MAN1B1: variants seen among roughly 807,000 people sequenced by gnomAD.
MAN1B1 encodes the protein endoplasmic reticulum mannosyl-oligosaccharide 1,2-alpha-mannosidase.
Under a neutral mutation model 75.5 loss-of-function variants are expected in MAN1B1, and 66 were observed. The observed-to-expected ratio is 0.87, with a 90% CI of 0.72 to 1.07. The LOEUF is 1.07. Among genes scored for constraint, MAN1B1 ranks in the 50% least tolerant of loss-of-function variants. MAN1B1 has a pLI of 0.00. For missense variants in MAN1B1, 973 were observed against 912.5 expected (o/e 1.07, Z -0.85); for synonymous variants, 453 against 382.8 (o/e 1.18, Z -2.14).
chr9:137,106,222 C>T lies in MAN1B1; in HGVS notation c.1352C>T (p.Thr451Ile). The T allele has an allele frequency of 6.2e-7, 1 of 1,607,976 alleles. No homozygotes were observed. The highest frequency in any genetic ancestry group is 8.5e-7 in the Non-Finnish European group (1 of 1,177,784). ...MFINTHSGLFTHLGVFTLGAR... is the reference protein window; with the variant it reads ...MFINTHSGLFIHLGVFTLGAR... ...ATCAATACCCACAGTGGCCTCTTCA[C>T]CCACCTGGGCGTATTCACGCTGGGC... is the stretch of plus-strand genomic sequence containing the variant. Residue 451 changes from threonine (T) to isoleucine (I), a missense_variant, in exon 9 of 13, where the codon ACC (threonine) becomes ATC (isoleucine). Thr to Ile is a moderately conservative substitution (Grantham distance 89). Coordinates refer to ENST00000371589, the MANE Select transcript of MAN1B1 (RefSeq NM_016219.5).
chr9:137,099,823 C>T lies in MAN1B1; in HGVS notation c.858C>T (p.Gly286=), dbSNP rs1830758562. The T allele has an allele frequency of 1.9e-6, 3 of 1,614,096 alleles. No individual in the cohort carries two copies. The Admixed American group carries it at 5.0e-5, about 27-fold the overall frequency. The change falls in exon 6 of 13, where the codon GGC becomes GGT. Residue 286 remains glycine, a synonymous_variant. Transcript: ENST00000371589. Reference sequence around the variant, plus strand: ...CCAGGTCCTTCAGTGAGTGGTTTGGCCTCGGTCTCACACTGATCGACGCGC... The same window carrying T: ...CCAGGTCCTTCAGTGAGTGGTTTGGTCTCGGTCTCACACTGATCGACGCGC... ...PVSRSFSEWF[G]LGLTLIDALD...
At position 137,099,857 on chromosome 9, in the gene MAN1B1, A is replaced by G. The variant is rs753769878; in HGVS notation, c.892A>G (p.Met298Val). The G allele has an allele frequency of 4.3e-6, 7 of 1,614,058 alleles. No homozygotes were observed. Among genetic ancestry groups the G allele is most frequent in the Admixed American group, 1.7e-5 (1 of 60,010 alleles). The change falls in exon 6 of 13, where the codon ATG becomes GTG. Residue 298 changes from methionine to valine, a missense_variant. Met to Val is a conservative substitution (Grantham distance 21). Transcript: ENST00000371589. ...GLTLIDALDT[M>V]WILGLRKEFE... ...CACACTGATCGACGCGCTGGACACC[A>G]TGTGGATCTTGGGTCTGAGGAAAGG... is the stretch of plus-strand genomic sequence containing the variant.
intron 3 of MAN1B1, among the ~76,000 whole-genome samples, chr9:137,093,593 G>A: frequency 6.6e-6 from 1 of 152,174 alleles, no homozygotes; most frequent in South Asian, 2.1e-4. Context: ...CACTTTGGGA[G>A]GCTGAAGCGG....
intron 3 of MAN1B1, 29 bp from the exon 4 acceptor site, chr9:137,096,208 G>A (rs1830647190): frequency 6.2e-7 from 1 of 1,613,928 alleles, no homozygotes; most frequent in Non-Finnish European, 8.5e-7. Context: ...GACACCCCGT[G>A]ATTTCCTGTG....
chr9:137,106,416 C>T, intron 9 of MAN1B1, 101 bp downstream of exon 9: 8 of 1,157,966 alleles, frequency 6.9e-6, no homozygotes, highest in Non-Finnish European at 8.5e-6. Context: ...TCCTGCTGCC[C>T]CCCGCCACAC....
Position 137,097,916 on chromosome 9 carries a change from G to T in MAN1B1, c.709G>T (p.Ala237Ser). The T allele has an allele frequency of 7.1e-6, 11 of 1,558,616 alleles. No individual in the cohort carries two copies. The highest frequency in any genetic ancestry group is 8.7e-6 in the Non-Finnish European group (10 of 1,151,572). The change falls in exon 5 of 13, where the codon GCC (alanine) becomes TCC (serine). Residue 237 changes from alanine to serine, a missense_variant. Coordinates refer to ENST00000371589, the MANE Select transcript of MAN1B1 (RefSeq NM_016219.5). The part of the protein sequence containing the change: ...EVPTKPPLPP[A>S]RTQGTPVHLN... Reference sequence around the variant, plus strand: ...GCCCACCAAGCCTCCCCTGCCACCGGCCAGGACACAGGGCACACCAGGTGA... The same window carrying T: ...GCCCACCAAGCCTCCCCTGCCACCGTCCAGGACACAGGGCACACCAGGTGA...
chr9:137,096,655 C>T (rs1010970650), intron 4 of MAN1B1, among the ~76,000 whole-genome samples: 2 of 152,180 alleles, frequency 1.3e-5, no homozygotes, highest in Non-Finnish European at 2.9e-5. Flanking sequence ...TGCACAGGTG[C>T]GTGGGGATGG....
intron 5 of MAN1B1, 48 bp from the exon 6 acceptor site, chr9:137,099,648 A>G (rs1239412935): frequency 1.9e-6 from 3 of 1,603,382 alleles, no homozygotes; most frequent in Non-Finnish European, 2.6e-6. Flanking sequence ...ATCTGTGCCG[A>G]CGCCAGGACC....
In MAN1B1 at chr9:137,108,842, T is replaced by C. The variant is rs1398999066; in HGVS notation, c.*251T>C. 6.1e-6 allele frequency: 4 copies of C among 652,448 alleles called. No individual in the cohort carries two copies. Among genetic ancestry groups the C allele is most frequent in the Non-Finnish European group, 1.1e-5 (4 of 353,100 alleles). 40.4% of individuals were successfully genotyped at this position (652,448 alleles called of 1,614,324 possible). A position where few individuals can be genotyped will look rare whatever the true frequency, so the allele number is the denominator to read the frequency against. On this transcript the variant is annotated 3_prime_UTR_variant, in exon 13 of 13. Transcript: ENST00000371589. ...TGCTTCCTCCAGAAGACACGAATCA[T>C]GACTCACGATTGCTGAAGCCTGAGC... is the stretch of plus-strand genomic sequence containing the variant.
Position 137,106,151 on chromosome 9 carries a change from C to T in MAN1B1, c.1281C>T (p.His427=), listed in dbSNP as rs749151349. The change falls in exon 9 of 13, where the codon CAC becomes CAT. Residue 427 remains histidine (H), a synonymous_variant. Transcript: ENST00000371589. ...AGGCAGTGGAGAAGGTGACACAGCA[C>T]ATCCACGGCCTGTCTGGGAAGAAGG... is the stretch of plus-strand genomic sequence containing the variant. ...FQEAVEKVTQ[H]IHGLSGKKDG... 1.9e-6 allele frequency: 3 copies of T among 1,613,000 alleles called. No homozygotes were observed. Among genetic ancestry groups the T allele is most frequent in the Non-Finnish European group, 2.5e-6 (3 of 1,179,918 alleles).
chr9:137,105,475 G>A (rs1831061317), intron 8 of MAN1B1: 2 of 196,800 alleles, frequency 1.0e-5, no homozygotes, highest in Non-Finnish European at 2.1e-5. Context: ...GTTGCTGCCG[G>A]TACACAGGGA....
At chr9:137,108,272 C>T in intron 12 of MAN1B1, 116 bp from the exon 13 acceptor site, 1 of 954,836 alleles carries the variant, frequency 1.0e-6, no homozygotes, top group Non-Finnish European at 1.7e-6. Flanking sequence ...GCGCCCTCCA[C>T]CCTGAGCTTG....
chr9:137,101,761 G>A (rs767481016), intron 8 of MAN1B1, 89 bp downstream of exon 8: 52 of 1,418,524 alleles, frequency 3.7e-5, no homozygotes, highest in Non-Finnish European at 4.9e-5. Context: ...GTGTGTATGT[G>A]CATGTGTGTT....
chr9:137,087,997 G>T, intron 1 of MAN1B1, 78 bp from the exon 2 acceptor site: 1 of 1,101,636 alleles, frequency 9.1e-7, no homozygotes, highest in Non-Finnish European at 1.4e-6. Flanking sequence ...ATTCCTTATT[G>T]TCCTCACAGT....
intron 5 of MAN1B1, 23 bp downstream of exon 5, chr9:137,097,960 T>C (rs1337239391): frequency 6.5e-7 from 1 of 1,527,138 alleles, no homozygotes; most frequent in East Asian, 2.4e-5. Context: ...CTGCACCCCT[T>C]CCTCCCCGGG....
In MAN1B1 at chr9:137,101,543, G is replaced by A. The variant is rs201682005; in HGVS notation, c.1125G>A (p.Ser375=). 1.9e-5 allele frequency: 31 copies of A among 1,613,872 alleles called. No homozygotes were observed. The highest frequency in any genetic ancestry group is 1.1e-4 in the East Asian group (5 of 44,890). The stretch of plus-strand genomic sequence containing the variant: ...GAACACCATCCAAGATTCCTTACTC[G>A]GATGTGAACATCGGTACTGGAGTTG... ...AFRTPSKIPY[S]DVNIGTGVAH... The change falls in exon 8 of 13, where the codon TCG becomes TCA. Residue 375 remains serine, a synonymous_variant. Transcript: ENST00000371589.
rs187820561 is a variant in MAN1B1, at chr9:137,099,999, C to T, written c.916+118C>T. On this transcript the variant is annotated intron_variant, in intron 6 of 12. Coordinates refer to ENST00000371589, the MANE Select transcript of MAN1B1 (RefSeq NM_016219.5). ...GTTTGCATCTGACCATGGGTTTTCCCTTCTCCTGGGTGCGGGAGTGGACGT... is the reference window on the plus strand; with the variant it reads ...GTTTGCATCTGACCATGGGTTTTCCTTTCTCCTGGGTGCGGGAGTGGACGT... The T allele has an allele frequency of 1.2e-3, 1,495 of 1,244,958 alleles. 4 individuals are homozygous for T. Among genetic ancestry groups the T allele is most frequent in the Admixed American group, 2.1e-3 (119 of 57,198 alleles). The allele number at this position is 1,244,958 out of a possible 1,614,324, so 77.1% of individuals were successfully genotyped here.
chr9:137,096,473 T>A, intron 4 of MAN1B1, 82 bp downstream of exon 4: 4 of 1,508,130 alleles, frequency 2.7e-6, no homozygotes, highest in Non-Finnish European at 3.6e-6. Context: ...GCATTGTGTC[T>A]GAGATCTATT....
chr9:137,105,592 C>T (rs1328861680), intron 8 of MAN1B1: 2 of 313,230 alleles, frequency 6.4e-6, no homozygotes, highest in Non-Finnish European at 1.2e-5. Context: ...GTACCCTGTG[C>T]CCCTCTGTGG....
Sources: allele counts gnomAD v4.1 joint callset (sites outside exome capture counted in the v4.1 genomes callset), GRCh38; gene constraint gnomAD v4.1.1; transcripts MANE v1.5; gene names NCBI Gene and HGNC (gene_info 2026-07-23, HGNC 2026-07-21).